The following LIMCH1 variants were observed in gnomAD, a reference collection of about 807,000 sequenced individuals.
The protein encoded by LIMCH1 is LIM and calponin homology domains 1, also known as LIM and calponin homology domains-containing protein 1.
LIMCH1 carries 113 observed loss-of-function variants against 176.5 expected under a neutral mutation model. That is an observed-to-expected ratio of 0.64 (90% CI 0.55 to 0.75). LIMCH1 has a LOEUF of 0.75. Ranked by LOEUF, LIMCH1 falls within the 30% of genes least tolerant of loss-of-function variation. LIMCH1 has a pLI of 0.00. For missense variants in LIMCH1, 1,674 were observed against 1,814.9 expected (o/e 0.92, Z 1.41); for synonymous variants, 619 against 645.9 (o/e 0.96, Z 0.63).
chr4:41,680,818 A>G, intron 24 of LIMCH1, 137 bp from the exon 25 acceptor site: 1 of 507,662 alleles, frequency 2.0e-6, no homozygotes, highest in East Asian at 3.0e-5. Flanking sequence ...ATGCTTTTGG[A>G]AAATAAGACT....
chr4:41,626,868 G>A lies in LIMCH1; in HGVS notation c.886G>A (p.Ala296Thr). The A allele has an allele frequency of 6.5e-7, 1 of 1,536,130 alleles. No individual in the cohort carries two copies. Residue 296 changes from alanine to threonine, a missense_variant, in exon 8 of 32, where the codon GCA (alanine) becomes ACA (threonine). By Grantham distance (58) the Ala-to-Thr change is moderately conservative. This residue lies in a region of LIMCH1 where 655 missense variants were observed against 692.2 expected (regional missense o/e 0.95). Coordinates refer to ENST00000503057, the MANE Select transcript of LIMCH1 (RefSeq NM_001330672.2). ...GAAGGATGACTTTGCTGCAAGGAGAGCAAGGATGAACCAAACCAAGCCAAT... is the reference window on the plus strand; with the variant it reads ...GAAGGATGACTTTGCTGCAAGGAGAACAAGGATGAACCAAACCAAGCCAAT... ...LEKDDFAARRARMNQTKPMVP... is the reference protein window; with the variant it reads ...LEKDDFAARRTRMNQTKPMVP...
intron 1 of LIMCH1, among the ~76,000 whole-genome samples, chr4:41,571,833 T>G (rs141643825): frequency 5.3e-5 from 8 of 152,298 alleles, no homozygotes; most frequent in Non-Finnish European, 1.2e-4. Flanking sequence ...TTTATAGGGT[T>G]TGATGTCAAG....
At chr4:41,687,208 A>T (rs145936264) in intron 28 of LIMCH1, among the ~76,000 whole-genome samples, 8 of 152,194 alleles carry the variant, frequency 5.3e-5, no homozygotes, top group African/African-American at 1.9e-4. Flanking sequence ...CCCAGAGCTG[A>T]TGGCTTAATC....
intron 1 of LIMCH1, among the ~76,000 whole-genome samples, chr4:41,570,824 A>G (rs1285496774): frequency 6.6e-6 from 1 of 152,112 alleles, no homozygotes; most frequent in African/African-American, 2.4e-5. Context: ...ATTGGGGGAG[A>G]AAAAGGGACT....
intron 1 of LIMCH1, among the ~76,000 whole-genome samples, chr4:41,583,795 T>C (rs1357421956): frequency 1.3e-5 from 2 of 151,886 alleles, no homozygotes; most frequent in Non-Finnish European, 2.9e-5. Flanking sequence ...TTTTTTTTTT[T>C]GCTTTGAATT....
At chr4:41,677,744 C>T (rs945071783) in intron 23 of LIMCH1, among the ~76,000 whole-genome samples, 12 of 152,160 alleles carry the variant, frequency 7.9e-5, no homozygotes, top group African/African-American at 2.9e-4. Context: ...GGTTACACAA[C>T]TAATAGGTGT....
chr4:41,427,594 C>T (rs1371638462), intron 1 of LIMCH1, among the ~76,000 whole-genome samples: 1 of 152,208 alleles, frequency 6.6e-6, no homozygotes, highest in African/African-American at 2.4e-5. Context: ...TGTTTGAAAG[C>T]CGGACAGCTG....
intron 1 of LIMCH1, among the ~76,000 whole-genome samples, chr4:41,593,424 A>G (rs2088048115): frequency 6.6e-6 from 1 of 152,234 alleles, no homozygotes; most frequent in African/African-American, 2.4e-5. Flanking sequence ...TTCCATCAGT[A>G]GCACCTGAGG....
Position 41,360,982 on chromosome 4 carries a change from C to A in LIMCH1, c.96+46C>A. 7.0e-7 allele frequency: 1 copy of A among 1,421,088 alleles called. No homozygotes were observed. The highest frequency in any genetic ancestry group is 9.6e-7 in the Non-Finnish European group (1 of 1,046,514). 88.0% of individuals were successfully genotyped at this position (1,421,088 alleles called of 1,614,324 possible). ...GGCGGCCTTGCACTGGCGCCCTGAG[C>A]CACGGACCCGCGCACGCTCCGACCG... On this transcript the variant is annotated intron_variant, in intron 1 of 26. Coordinates refer to the LIMCH1 transcript ENST00000313860. This position sits in a 1 kb window ranked among gnomAD's most constrained non-coding sequence, Gnocchi z 4.5.
chr4:41,454,624 CCT>C (rs1561423732), intron 1 of LIMCH1, among the ~76,000 whole-genome samples: 1 of 152,044 alleles, frequency 6.6e-6, no homozygotes, highest in Non-Finnish European at 1.5e-5. Context: ...CAAACAGTCC[CCT>C]GAGTATGTGT....
intron 1 of LIMCH1, among the ~76,000 whole-genome samples, chr4:41,562,974 G>A (rs1043503212): frequency 6.6e-6 from 1 of 152,148 alleles, no homozygotes; most frequent in Non-Finnish European, 1.5e-5. Flanking sequence ...TTTTTAACTA[G>A]ATTAAATCAA....
rs1408351514 is a variant in LIMCH1, at chr4:41,666,553, T to C, written c.3292-8T>C. On this transcript the variant is annotated splice_polypyrimidine_tract_variant and splice_region_variant and intron_variant, in intron 20 of 31. Transcript: ENST00000503057. The stretch of plus-strand genomic sequence containing the variant: ...TTGCAATATTTATACCTGTTTTCCA[T>C]TGTCCAGGTGGTAAAGCCAAAATCT... 2 of 1,592,648 alleles carry C rather than the reference T, an allele frequency of 1.3e-6. No homozygotes were observed. Among genetic ancestry groups the C allele is most frequent in the African/African-American group, 1.3e-5 (1 of 74,626 alleles).
chr4:41,589,431 G>A (rs1291494894), intron 1 of LIMCH1, among the ~76,000 whole-genome samples: 2 of 152,170 alleles, frequency 1.3e-5, no homozygotes, highest in Admixed American at 6.5e-5. Flanking sequence ...TGGGTAACAG[G>A]TTCTGCAGGA....
intron 21 of LIMCH1, chr4:41,670,713 T>C: frequency 6.5e-7 from 1 of 1,533,642 alleles, no homozygotes; most frequent in Non-Finnish European, 8.7e-7. Flanking sequence ...TGCCATCTGA[T>C]CTAGAGTCGC....
chr4:41,602,813 A>G (rs2090160474), intron 2 of LIMCH1, among the ~76,000 whole-genome samples: 2 of 152,014 alleles, frequency 1.3e-5, no homozygotes, highest in African/African-American at 2.4e-5. Flanking sequence ...TCTCAAAACA[A>G]CAACAACAAC....
intron 1 of LIMCH1, among the ~76,000 whole-genome samples, chr4:41,366,953 T>G (rs1478806167): frequency 6.6e-6 from 1 of 152,104 alleles, no homozygotes; most frequent in Non-Finnish European, 1.5e-5. Context: ...TCAAGAAACT[T>G]ATAATTATGA....
intron 28 of LIMCH1, among the ~76,000 whole-genome samples, chr4:41,687,578 T>C (rs1721897086): frequency 6.6e-6 from 1 of 152,108 alleles, no homozygotes; most frequent in Non-Finnish European, 1.5e-5. Flanking sequence ...TTATAAAAAA[T>C]TCTGTCTTTT....
intron 1 of LIMCH1, among the ~76,000 whole-genome samples, chr4:41,376,059 TA>T (rs1205070425): frequency 1.3e-5 from 2 of 152,230 alleles, no homozygotes; most frequent in African/African-American, 4.8e-5. Context: ...GTTTCTTATT[TA>T]TCCTATTCAA....
intron 1 of LIMCH1, among the ~76,000 whole-genome samples, chr4:41,400,480 C>T (rs1195623772): frequency 6.6e-6 from 1 of 152,110 alleles, no homozygotes; most frequent in Non-Finnish European, 1.5e-5. Flanking sequence ...TTGTGCTTGG[C>T]AATTTGCACT....
Sources: gnomAD v4.1 joint callset for allele counts (sites outside exome capture counted in the v4.1 genomes callset) on GRCh38, gnomAD v4.1.1 for gene constraint, gnomAD v4.1.1 regional missense constraint, Gnocchi (gnomAD v3.1) non-coding constraint, MANE v1.5 for transcripts, NCBI Gene and HGNC (gene_info 2026-07-23, HGNC 2026-07-21) for gene names.